LHX3: variants seen among roughly 807,000 people sequenced by gnomAD.
LHX3 encodes the protein LIM/homeobox protein Lhx3.
Under a neutral mutation model 32.4 loss-of-function variants are expected in LHX3, and 21 were observed. The ratio of observed to expected loss-of-function variants is 0.65; its 90% CI spans 0.46 to 0.93. The LOEUF is 0.93. LHX3 is among the 40% of genes least tolerant of loss of function. The pLI is 0.00. For synonymous variants in LHX3, 258 were observed against 246.8 expected (o/e 1.05, Z -0.43); for missense variants, 626 against 560.0 (o/e 1.12, Z -1.19).
At chr9:136,199,288 G>C (rs1055833054) in intron 3 of LHX3, among the ~76,000 whole-genome samples, 4 of 152,070 alleles carry the variant, frequency 2.6e-5, no homozygotes, top group Non-Finnish European at 5.9e-5. Flanking sequence ...CCGCGGGGGC[G>C]GGGGCGGCGC....
chr9:136,202,887 C>T, intron 1 of LHX3: 2 of 1,511,364 alleles, frequency 1.3e-6, no homozygotes, highest in Non-Finnish European at 1.8e-6. Flanking sequence ...CGGCCAGGCC[C>T]GGAAAGGCCT....
At position 136,198,647 on chromosome 9, in the gene LHX3, C is replaced by T. The variant is rs780946360; in HGVS notation, c.775+5G>A. On this transcript the variant is annotated splice_donor_5th_base_variant and intron_variant, in intron 5 of 5. Transcript: ENST00000371748. ...CCCCCCGAGCTCCGCGATCCCTCCGCCTACCGGGGAAGGAGACCTCAGCGT... is the reference window on the plus strand; with the variant it reads ...CCCCCCGAGCTCCGCGATCCCTCCGTCTACCGGGGAAGGAGACCTCAGCGT... 1.6e-5 allele frequency: 26 copies of T among 1,583,490 alleles called. No homozygotes were observed. The East Asian group carries it at 5.8e-4, about 35-fold the overall frequency.
In LHX3 at chr9:136,204,971, G is replaced by C; in HGVS notation, c.42C>G (p.Pro14=). 6.3e-7 allele frequency: 1 copy of C among 1,597,390 alleles called. No homozygotes were observed. The highest frequency in any genetic ancestry group is 1.1e-5 in the South Asian group (1 of 89,430). Residue 14 remains proline, a synonymous_variant, in exon 1 of 6, where the codon CCC becomes CCG. Coordinates refer to ENST00000371748, the MANE Select transcript of LHX3 (RefSeq NM_178138.6). ...CCAAGGTGCAGACGGCGGCGGCCCC[G>C]GGCCTCGCTCGGTCGCGCTCGAGCC... ...ETGLERDRAR[P]GAAAVCTLGG... is the part of the protein sequence containing the mutation.
chr9:136,200,258 G>T (rs1300769478), intron 2 of LHX3: 1 of 543,752 alleles, frequency 1.8e-6, no homozygotes, highest in African/African-American at 1.9e-5. Flanking sequence ...ACCAATTTCG[G>T]AGGAACTAAG....
chr9:136,203,080 T>C (rs752515663), intron 1 of LHX3: 9 of 1,494,544 alleles, frequency 6.0e-6, no homozygotes, highest in Non-Finnish European at 8.0e-6. Flanking sequence ...AGTCCCGAAC[T>C]TTCCCGGGCC....
At chr9:136,202,879 G>A in intron 1 of LHX3, 4 of 1,493,438 alleles carry the variant, frequency 2.7e-6, no homozygotes, top group Non-Finnish European at 3.6e-6. Context: ...AGCCTCCGCG[G>A]CCAGGCCCGG....
intron 1 of LHX3, among the ~76,000 whole-genome samples, chr9:136,201,883 G>T (rs955262693): frequency 2.6e-5 from 4 of 152,176 alleles, no homozygotes; most frequent in African/African-American, 9.6e-5. Context: ...TCGGAGCGGG[G>T]CGGCCCGACA....
intron 2 of LHX3, 44 bp downstream of exon 2, chr9:136,200,538 G>T: frequency 6.3e-7 from 1 of 1,598,900 alleles, no homozygotes; most frequent in Non-Finnish European, 8.5e-7. Flanking sequence ...CCTGGGGCAG[G>T]CGTGCCCTCC....
intron 1 of LHX3, among the ~76,000 whole-genome samples, chr9:136,203,756 T>A (rs1186796412): frequency 2.6e-5 from 4 of 152,204 alleles, no homozygotes; most frequent in Admixed American, 2.6e-4. Context: ...CCTCGGGTCG[T>A]GAGGGGCCGA....
chr9:136,200,407 A>T, intron 2 of LHX3, 175 bp downstream of exon 2: 1 of 691,890 alleles, frequency 1.4e-6, no homozygotes. Context: ...ACCCATGGAG[A>T]GGCCCCACCC....
intron 1 of LHX3, among the ~76,000 whole-genome samples, 164 bp from the exon 2 acceptor site, chr9:136,200,917 C>T (rs1479642264): frequency 2.0e-5 from 3 of 152,342 alleles, no homozygotes; most frequent in Middle Eastern, 3.4e-3. Context: ...CTTAAGTGGC[C>T]CCGCAAGTTC....
chr9:136,198,863 G>GCC (rs770032203), intron 4 of LHX3, 43 bp from the exon 5 acceptor site: 1 of 1,593,208 alleles, frequency 6.3e-7, no homozygotes, highest in Non-Finnish European at 8.5e-7. Flanking sequence ...CTCTGCGGGG[G>GCC]CCCCCAAGGC....
chr9:136,203,139 G>A (rs1831686416), intron 1 of LHX3: 3 of 1,390,920 alleles, frequency 2.2e-6, no homozygotes, highest in African/African-American at 1.5e-5. Context: ...AAGCGACTCC[G>A]GGTGCTGCTG....
chr9:136,196,630 G>A lies in LHX3; in HGVS notation c.*695C>T, dbSNP rs1344351585. 2 of 152,838 alleles carry A rather than the reference G, an allele frequency of 1.3e-5. No individual in the cohort carries two copies. The highest frequency in any genetic ancestry group is 2.4e-5 in the African/African-American group (1 of 41,476). 9.5% of individuals were successfully genotyped at this position (152,838 alleles called of 1,614,324 possible). On this transcript the variant is annotated 3_prime_UTR_variant, in exon 6 of 6. Transcript: ENST00000371748. ...GGGTGGGGTGAGGAGGAGACCCTGA[G>A]GGGCTTAGAGAATTGAGCTTGGAGA...
rs1588629194 is a variant in LHX3, at chr9:136,204,978, G to A, written c.35C>T (p.Ala12Val). 1.9e-6 allele frequency: 3 copies of A among 1,592,810 alleles called. No homozygotes were observed. Among genetic ancestry groups the A allele is most frequent in the South Asian group, 1.1e-5 (1 of 89,062 alleles). Reference protein sequence around the residue: ...LLETGLERDRARPGAAAVCTL... With the variant: ...LLETGLERDRVRPGAAAVCTL... ...GCAGACGGCGGCGGCCCCGGGCCTC[G>A]CTCGGTCGCGCTCGAGCCCCGTTTC... The change falls in exon 1 of 6, where the codon GCG (alanine) becomes GTG (valine). Residue 12 changes from alanine to valine, a missense_variant. By Grantham distance (64) the Ala-to-Val change is moderately conservative. Coordinates refer to ENST00000371748, the MANE Select transcript of LHX3 (RefSeq NM_178138.6).
chr9:136,197,173 G>A lies in LHX3; in HGVS notation c.*152C>T. The A allele has an allele frequency of 2.5e-6, 2 of 805,806 alleles. No individual in the cohort carries two copies. The highest frequency in any genetic ancestry group is 4.0e-6 in the Non-Finnish European group (2 of 496,936). 49.9% of individuals were successfully genotyped at this position (805,806 alleles called of 1,614,324 possible). On this transcript the variant is annotated 3_prime_UTR_variant, in exon 6 of 6. Coordinates refer to ENST00000371748, the MANE Select transcript of LHX3 (RefSeq NM_178138.6). ...CCAGGTGGGTCCCTCAGCCCCCAGA[G>A]AGGGAGCTGTGCGGTCGGCAGTGGG...
At chr9:136,199,975 G>A (rs1423598472) in intron 2 of LHX3, 95 bp from the exon 3 acceptor site, 5 of 1,303,470 alleles carry the variant, frequency 3.8e-6, no homozygotes, top group South Asian at 1.3e-5. Context: ...CTGGGAAGGC[G>A]GCCCCGGAGG....
At position 136,205,061 on chromosome 9, in the gene LHX3, G is replaced by A. The variant is rs781561273; in HGVS notation, c.-49C>T. Reference sequence around the variant, plus strand: ...CGAGACGCGCTCCTCCTAGGTCAGCGTCCCCTGGAGGGTTCGGGGCTCCCA... The same window carrying A: ...CGAGACGCGCTCCTCCTAGGTCAGCATCCCCTGGAGGGTTCGGGGCTCCCA... On this transcript the variant is annotated 5_prime_UTR_variant, in exon 1 of 6. The change creates a new upstream start codon in the 5' untranslated region. Transcript: ENST00000371748. The A allele has an allele frequency of 1.4e-6, 2 of 1,476,010 alleles. No individual in the cohort carries two copies. The highest frequency in any genetic ancestry group is 2.0e-4 in the Middle Eastern group (1 of 4,892). The allele number at this position is 1,476,010 out of a possible 1,614,324, so 91.4% of individuals were successfully genotyped here.
rs748687316 is a variant in LHX3 at position 136,202,930 on chromosome 9, C to T, written c.79+2004G>A. On this transcript the variant is annotated intron_variant, in intron 1 of 5. Transcript: ENST00000371748. ...TCCTGGTCTCCCCGGTGCAGCCACT[C>T]GGCCCGGGCACCCACCTCGGCGCAG... 6.0e-5 allele frequency: 92 copies of T among 1,532,070 alleles called. No individual in the cohort carries two copies. The East Asian group carries it at 1.6e-3, about 27-fold the overall frequency. 94.9% of individuals were successfully genotyped at this position (1,532,070 alleles called of 1,614,324 possible). A position where few individuals can be genotyped will look rare whatever the true frequency, so the allele number is the denominator to read the frequency against.
Sources: allele counts gnomAD v4.1 joint callset (sites outside exome capture counted in the v4.1 genomes callset), GRCh38; gene constraint gnomAD v4.1.1; transcripts MANE v1.5; gene names NCBI Gene and HGNC (gene_info 2026-07-23, HGNC 2026-07-21).